The following KCNB2 variants were observed in gnomAD, a reference collection of about 807,000 sequenced individuals.
KCNB2 encodes the protein delayed rectifier potassium channel protein.
KCNB2 carries 15 observed loss-of-function variants against 61.5 expected under a neutral mutation model. That is an observed-to-expected ratio of 0.24 (90% CI 0.16 to 0.38). The LOEUF (loss-of-function observed/expected upper bound fraction) is 0.38, where lower values mean the gene tolerates loss of function less well. Ranked by LOEUF, KCNB2 falls within the 10% of genes least tolerant of loss-of-function variation. The pLI is 1.00. For synonymous variants in KCNB2, 457 were observed against 446.0 expected (o/e 1.02, Z -0.31); for missense variants, 828 against 1,125.2 (o/e 0.74, Z 3.78).
At chr8:72,806,598 G>C (rs1809227484) in intron 2 of KCNB2, among the ~76,000 whole-genome samples, 1 of 151,540 alleles carries the variant, frequency 6.6e-6, no homozygotes, top group Non-Finnish European at 1.5e-5. Context: ...CTGGGCGACA[G>C]AGTGAGAATC....
At chr8:72,750,733 C>G (rs1808174646) in intron 2 of KCNB2, 1 of 152,122 alleles carries the variant, frequency 6.6e-6, no homozygotes, top group Non-Finnish European at 1.5e-5. Flanking sequence ...ATAATTAGTT[C>G]CATCAACAGT....
intron 2 of KCNB2, among the ~76,000 whole-genome samples, chr8:72,749,740 A>T (rs1387657733): frequency 6.8e-6 from 1 of 146,830 alleles, no homozygotes; most frequent in East Asian, 2.0e-4. Flanking sequence ...AATACATATT[A>T]CTTTTTTGTA....
At chr8:72,875,011 G>A (rs1173973673) in intron 2 of KCNB2, 1 of 152,230 alleles carries the variant, frequency 6.6e-6, no homozygotes, top group Non-Finnish European at 1.5e-5. Flanking sequence ...TCCAGCCTCA[G>A]CTGCTGCTCT....
intron 2 of KCNB2, among the ~76,000 whole-genome samples, chr8:72,606,811 G>C (rs1805459122): frequency 6.6e-6 from 1 of 152,168 alleles, no homozygotes; most frequent in South Asian, 2.1e-4. Flanking sequence ...TGCTGAGGGA[G>C]AGTAAAAGTT....
intron 2 of KCNB2, among the ~76,000 whole-genome samples, chr8:72,831,825 C>T (rs1316965853): frequency 6.6e-6 from 1 of 152,206 alleles, no homozygotes; most frequent in Non-Finnish European, 1.5e-5. Context: ...TTATATATTA[C>T]ATGAGGTATT....
chr8:72,761,541 G>A (rs1808381224), intron 2 of KCNB2, among the ~76,000 whole-genome samples: 1 of 152,202 alleles, frequency 6.6e-6, no homozygotes, highest in African/African-American at 2.4e-5. Context: ...CCTTCAGGGA[G>A]GAGAGATTGT....
intron 2 of KCNB2, among the ~76,000 whole-genome samples, chr8:72,850,069 A>G (rs1014521331): frequency 6.6e-6 from 1 of 152,168 alleles, no homozygotes; most frequent in African/African-American, 2.4e-5. Context: ...TTGTTGAGTG[A>G]ATATTAAACA....
At chr8:72,917,554 G>A (rs887110237) in intron 2 of KCNB2, among the ~76,000 whole-genome samples, 2 of 152,170 alleles carry the variant, frequency 1.3e-5, no homozygotes, top group African/African-American at 4.8e-5. Flanking sequence ...GCAATTGTAT[G>A]TGACATGACA....
chr8:72,594,170 C>A (rs116273378), intron 2 of KCNB2, among the ~76,000 whole-genome samples: 1,876 of 152,212 alleles, frequency 0.012, 34 homozygotes, highest in African/African-American at 0.042. Context: ...ATATGATAGC[C>A]TTCAAAGGAT....
intron 1 of KCNB2, among the ~76,000 whole-genome samples, chr8:72,541,594 C>T (rs764723588): frequency 3.9e-5 from 6 of 152,046 alleles, no homozygotes; most frequent in Non-Finnish European, 7.4e-5. Flanking sequence ...TTCTCACTCA[C>T]CAAAGGATGC....
chr8:72,836,840 G>A (rs934868075), intron 2 of KCNB2, among the ~76,000 whole-genome samples: 1 of 152,182 alleles, frequency 6.6e-6, no homozygotes, highest in Non-Finnish European at 1.5e-5. Context: ...AACCCAGGAA[G>A]TTGAAACTGC....
intron 2 of KCNB2, among the ~76,000 whole-genome samples, chr8:72,650,890 C>A (rs1301877516): frequency 2.6e-5 from 4 of 152,126 alleles, no homozygotes; most frequent in Non-Finnish European, 4.4e-5. Flanking sequence ...GACTTTTAAT[C>A]TTCCCATACA....
At chr8:72,761,757 G>T (rs1030032706) in intron 2 of KCNB2, among the ~76,000 whole-genome samples, 1 of 151,188 alleles carries the variant, frequency 6.6e-6, no homozygotes, top group Non-Finnish European at 1.5e-5. Context: ...CATTAGCTAT[G>T]AAAGTTACGG....
chr8:72,676,671 C>T lies in KCNB2; in HGVS notation c.579+108358C>T, dbSNP rs569186791. Reference sequence around the variant, plus strand: ...CTGAAGAAAAAGTATTAACTATTAGCGGAATTCACTTATAAGTTGACTAGC... The same window carrying T: ...CTGAAGAAAAAGTATTAACTATTAGTGGAATTCACTTATAAGTTGACTAGC... On this transcript the variant is annotated intron_variant, in intron 2 of 2. Transcript: ENST00000523207. Among the ~76,000 whole-genome samples, 12 of 152,116 alleles carry T rather than the reference C, an allele frequency of 7.9e-5. No individual in the cohort carries two copies. The South Asian group carries it at 1.7e-3, about 21-fold the overall frequency.
intron 2 of KCNB2, among the ~76,000 whole-genome samples, chr8:72,725,557 G>GTA (rs1204734280): frequency 0.011 from 601 of 54,850 alleles, 6 homozygotes; most frequent in South Asian, 0.045. Flanking sequence ...ATATATATAT[G>GTA]TATATATGTA....
At chr8:72,761,341 T>A (rs1376501114) in intron 2 of KCNB2, among the ~76,000 whole-genome samples, 1 of 152,156 alleles carries the variant, frequency 6.6e-6, no homozygotes, top group Non-Finnish European at 1.5e-5. Context: ...TTCTAGTCCT[T>A]CCATGTGAGA....
intron 2 of KCNB2, among the ~76,000 whole-genome samples, chr8:72,592,941 A>G (rs1807125104): frequency 6.6e-6 from 1 of 152,204 alleles, no homozygotes; most frequent in South Asian, 2.1e-4. Context: ...GGTCTGGTGT[A>G]AGCATTTATA....
intron 2 of KCNB2, among the ~76,000 whole-genome samples, chr8:72,634,015 C>G (rs1225690046): frequency 6.6e-6 from 1 of 152,156 alleles, no homozygotes; most frequent in Non-Finnish European, 1.5e-5. Context: ...AGAATACATC[C>G]ATTTTCATGA....
intron 2 of KCNB2, among the ~76,000 whole-genome samples, chr8:72,770,758 A>G (rs566108630): frequency 1.5e-3 from 232 of 152,360 alleles, no homozygotes; most frequent in African/African-American, 5.3e-3. Flanking sequence ...CACTATTATT[A>G]TTACTAGGAC....
Sources: allele counts gnomAD v4.1 joint callset (sites outside exome capture counted in the v4.1 genomes callset), GRCh38; gene constraint gnomAD v4.1.1; transcripts MANE v1.5; gene names NCBI Gene and HGNC (gene_info 2026-07-23, HGNC 2026-07-21).